Variants in KCNH8 observed in about 807,000 individuals in gnomAD.
KCNH8 encodes potassium voltage-gated channel subfamily H member 8, also known as voltage-gated delayed rectifier potassium channel KCNH8.
In KCNH8, 70 loss-of-function variants were observed where a neutral mutation model predicts 103.6. The ratio of observed to expected loss-of-function variants is 0.68; its 90% confidence interval spans 0.56 to 0.82. The LOEUF (loss-of-function observed/expected upper bound fraction) is 0.82, where lower values mean the gene tolerates loss of function less well. KCNH8 is among the 40% of genes least tolerant of loss of function. KCNH8 has a pLI of 0.00. For missense variants in KCNH8, 1,217 were observed against 1,329.9 expected, an observed-to-expected ratio of 0.92 and a Z score of 1.32; for synonymous variants, 498 against 489.4, an observed-to-expected ratio of 1.02 and a Z score of -0.23.
chr3:19,327,207 G>A (rs1053603091), intron 3 of KCNH8, among the ~76,000 whole-genome samples: 2 of 152,152 alleles, frequency 1.3e-5, no homozygotes, highest in African/African-American at 4.8e-5. Context: ...AATTCAAGGG[G>A]AGAGAAAACA....
intron 1 of KCNH8, among the ~76,000 whole-genome samples, chr3:19,235,773 C>T (rs895981872): frequency 3.3e-5 from 5 of 152,072 alleles, no homozygotes; most frequent in South Asian, 2.1e-4. Flanking sequence ...AGAGTTACAG[C>T]GATCTAAGGT....
intron 1 of KCNH8, among the ~76,000 whole-genome samples, chr3:19,184,379 A>C (rs576670569): frequency 6.6e-6 from 1 of 152,008 alleles, no homozygotes; most frequent in African/African-American, 2.4e-5. Flanking sequence ...CAGTATAAAA[A>C]GAAGCATAGT....
At chr3:19,395,660 G>T (rs570830840) in intron 7 of KCNH8, among the ~76,000 whole-genome samples, 25 of 152,064 alleles carry the variant, frequency 1.6e-4, no homozygotes, top group Non-Finnish European at 2.4e-4. Context: ...CTGGCCTATG[G>T]TCTATCACTA....
chr3:19,280,671 T>TA lies in KCNH8; in HGVS notation c.311-525dup, dbSNP rs1332587378. Among the ~76,000 whole-genome samples the TA allele has an allele frequency of 2.0e-5, 3 of 152,122 alleles. No homozygotes were observed. In the East Asian group the frequency reaches 5.8e-4, roughly 29 times the overall value. ...CTACCTGTGTTTAAAGTAGATGTATTAATTTGAATCAGCCAGCAATGTATG... is the reference window on the plus strand; with the variant it reads ...CTACCTGTGTTTAAAGTAGATGTATTAAATTTGAATCAGCCAGCAATGTATG... On this transcript the variant is annotated intron_variant, in intron 2 of 15. Coordinates refer to ENST00000328405, the MANE Select transcript of KCNH8 (RefSeq NM_144633.3).
At chr3:19,330,534 A>G (rs2125309730) in intron 3 of KCNH8, among the ~76,000 whole-genome samples, 1 of 152,300 alleles carries the variant, frequency 6.6e-6, no homozygotes, top group East Asian at 1.9e-4. Context: ...TTTAAGTTGA[A>G]TTGAAGTTAT....
chr3:19,493,841 T>A (rs2068378070), intron 11 of KCNH8, among the ~76,000 whole-genome samples: 1 of 152,150 alleles, frequency 6.6e-6, no homozygotes, highest in Non-Finnish European at 1.5e-5. Flanking sequence ...ACCATTAATA[T>A]AGATTGTTTT....
chr3:19,290,338 A>G (rs990175125), intron 3 of KCNH8, among the ~76,000 whole-genome samples: 2 of 152,138 alleles, frequency 1.3e-5, no homozygotes, highest in Non-Finnish European at 2.9e-5. Context: ...TTCAAAGGGA[A>G]TGCTTCCAGT....
At chr3:19,224,993 A>C (rs1486908991) in intron 1 of KCNH8, among the ~76,000 whole-genome samples, 1 of 152,100 alleles carries the variant, frequency 6.6e-6, no homozygotes, top group African/African-American at 2.4e-5. Flanking sequence ...AACAGAGGCA[A>C]CCGTGATGAA....
At position 19,513,004 on chromosome 3, in the gene KCNH8, G is replaced by A. The variant is rs990646676; in HGVS notation, c.2114G>A (p.Arg705Gln). The stretch of plus-strand genomic sequence containing the variant: ...AAGGGAAATGGCAACATCAACAAGC[G>A]ACTCCCATCCATTGTGGAAGATGAG... Reference protein sequence around the residue: ...EPKGNGNINKRLPSIVEDEEE... With the variant: ...EPKGNGNINKQLPSIVEDEEE... Residue 705 changes from arginine to glutamine, a missense_variant, in exon 13 of 16, where the codon CGA becomes CAA. Physicochemically the swap from Arg to Gln is conservative, Grantham distance 43. Transcript: ENST00000328405. 1.5e-5 allele frequency: 24 copies of A among 1,613,506 alleles called. No individual in the cohort carries two copies. Among genetic ancestry groups the A allele is most frequent in the African/African-American group, 4.0e-5 (3 of 74,942 alleles).
intron 1 of KCNH8, among the ~76,000 whole-genome samples, chr3:19,184,389 T>G (rs1345631664): frequency 6.6e-6 from 1 of 151,854 alleles, no homozygotes; most frequent in Non-Finnish European, 1.5e-5. Flanking sequence ...AGAAGCATAG[T>G]AATAATAAAC....
At chr3:19,191,546 G>A (rs887341371) in intron 1 of KCNH8, among the ~76,000 whole-genome samples, 2 of 151,666 alleles carry the variant, frequency 1.3e-5, no homozygotes, top group African/African-American at 2.4e-5. Flanking sequence ...CTAAGGCTTA[G>A]GGAAATTTTC....
chr3:19,519,008 G>A (rs964506384), intron 15 of KCNH8, among the ~76,000 whole-genome samples: 22 of 152,126 alleles, frequency 1.4e-4, no homozygotes, highest in Admixed American at 3.9e-4. Context: ...AGAAGGATAT[G>A]TTAGTGAGAC....
At chr3:19,235,948 A>G (rs1288732021) in intron 1 of KCNH8, among the ~76,000 whole-genome samples, 1 of 152,248 alleles carries the variant, frequency 6.6e-6, no homozygotes, top group Non-Finnish European at 1.5e-5. Flanking sequence ...AGATTTCAAC[A>G]TAGGGCCTTG....
At chr3:19,224,527 C>G (rs375484843) in intron 1 of KCNH8, among the ~76,000 whole-genome samples, 4 of 146,922 alleles carry the variant, frequency 2.7e-5, no homozygotes, top group African/African-American at 5.0e-5. Flanking sequence ...GAAGAACTAA[C>G]TTTTATTAAG....
rs373622554 is a variant in KCNH8 at position 19,253,804 on chromosome 3, A to G, written c.227A>G (p.Asn76Ser). The G allele has an allele frequency of 2.5e-6, 4 of 1,613,964 alleles. No homozygotes were observed. The African/African-American group carries it at 4.0e-5, about 16-fold the overall frequency. Residue 76 changes from asparagine (N) to serine (S), a missense_variant, in exon 2 of 16, where the codon AAT (asparagine) becomes AGT (serine). By Grantham distance (46) the Asn-to-Ser change is conservative. Around this residue, in one of 3 missense-constraint regions of KCNH8, gnomAD observed 244 missense variants for 256.8 expected, o/e 0.95. Coordinates refer to ENST00000328405, the MANE Select transcript of KCNH8 (RefSeq NM_144633.3). ...AAGTTCTTATTTGGGGTTGAAACCAATGAGCAACTGATGCTTCAAATAGAA... is the reference window on the plus strand; with the variant it reads ...AAGTTCTTATTTGGGGTTGAAACCAGTGAGCAACTGATGCTTCAAATAGAA... ...SCKFLFGVET[N>S]EQLMLQIEKS...
At chr3:19,240,628 CA>C (rs991899517) in intron 1 of KCNH8, among the ~76,000 whole-genome samples, 2 of 141,996 alleles carry the variant, frequency 1.4e-5, no homozygotes, top group Admixed American at 7.0e-5. Flanking sequence ...AAAAAAAAAA[CA>C]AAAAAAACTT....
chr3:19,457,525 C>T (rs1050232984), intron 11 of KCNH8, among the ~76,000 whole-genome samples: 4 of 151,960 alleles, frequency 2.6e-5, no homozygotes, highest in African/African-American at 7.2e-5. Context: ...CTGCAAGTTT[C>T]GTATTAGACA....
chr3:19,495,922 G>C (rs990397758), intron 11 of KCNH8, among the ~76,000 whole-genome samples: 1 of 152,004 alleles, frequency 6.6e-6, no homozygotes, highest in Admixed American at 6.6e-5. Context: ...CACCACTCTG[G>C]TTAGCTGTAT....
intron 1 of KCNH8, among the ~76,000 whole-genome samples, chr3:19,197,659 G>A (rs977755339): frequency 6.6e-6 from 1 of 151,726 alleles, no homozygotes; most frequent in African/African-American, 2.4e-5. Flanking sequence ...CTAAATTCTC[G>A]GTGGTTTGGT....
Sources: allele counts gnomAD v4.1 joint callset (sites outside exome capture counted in the v4.1 genomes callset), GRCh38; gene constraint gnomAD v4.1.1; regional missense constraint gnomAD v4.1.1; transcripts MANE v1.5; gene names NCBI Gene and HGNC (gene_info 2026-07-23, HGNC 2026-07-21).